Variants in TBC1D5 observed in about 807,000 individuals in gnomAD.
The protein encoded by TBC1D5 is TBC1 domain family, member 5.
Under a neutral mutation model 100.3 loss-of-function variants are expected in TBC1D5, and 75 were observed. That is an observed-to-expected ratio of 0.75 (90% confidence interval 0.62 to 0.91). TBC1D5 has a LOEUF of 0.91. Among genes scored for constraint, TBC1D5 ranks in the 40% least tolerant of loss-of-function variants. TBC1D5 has a pLI of 0.00. For synonymous variants in TBC1D5, 323 were observed against 325.6 expected, an observed-to-expected ratio of 0.99 and a Z score of 0.09; for missense variants, 910 against 942.4, an observed-to-expected ratio of 0.97 and a Z score of 0.45.
chr3:17,221,219 T>C (rs955771767), intron 17 of TBC1D5, among the ~76,000 whole-genome samples: 7 of 152,202 alleles, frequency 4.6e-5, no homozygotes, highest in African/African-American at 1.4e-4. Context: ...TTAAGGATGT[T>C]GAGATGGAGA....
intron 17 of TBC1D5, among the ~76,000 whole-genome samples, chr3:17,236,675 G>A (rs74644557): frequency 0.038 from 5,742 of 151,872 alleles, 188 homozygotes; most frequent in East Asian, 0.18. Flanking sequence ...TAGTAGACAC[G>A]GGGTTTCACC....
chr3:17,251,547 T>C (rs1481761652), intron 16 of TBC1D5, among the ~76,000 whole-genome samples: 1 of 151,598 alleles, frequency 6.6e-6, no homozygotes, highest in Non-Finnish European at 1.5e-5. Flanking sequence ...TTGTGTTGCA[T>C]ATCCAAATAA....
intron 13 of TBC1D5, among the ~76,000 whole-genome samples, chr3:17,319,305 T>C (rs1387008448): frequency 6.6e-6 from 1 of 152,212 alleles, no homozygotes; most frequent in African/African-American, 2.4e-5. Context: ...TCCAAATCCG[T>C]GATCTCTTCT....
chr3:17,362,051 G>T (rs1043982466), intron 13 of TBC1D5, among the ~76,000 whole-genome samples: 2 of 152,094 alleles, frequency 1.3e-5, no homozygotes, highest in African/African-American at 2.4e-5. Context: ...AGAAAGGGTA[G>T]TCTTTCCACA....
At chr3:17,679,610 T>G (rs1214373234) in intron 1 of TBC1D5, among the ~76,000 whole-genome samples, 1 of 151,486 alleles carries the variant, frequency 6.6e-6, no homozygotes, top group Non-Finnish European at 1.5e-5. Flanking sequence ...ATTTTTCAAC[T>G]AAATATCTAC....
intron 13 of TBC1D5, among the ~76,000 whole-genome samples, chr3:17,355,106 G>A (rs2091086666): frequency 6.6e-6 from 1 of 151,944 alleles, no homozygotes; most frequent in South Asian, 2.1e-4. Context: ...TTTCCCTTTC[G>A]TTGTTTTCTT....
intron 14 of TBC1D5, among the ~76,000 whole-genome samples, chr3:17,306,764 G>T (rs941525049): frequency 1.4e-4 from 22 of 151,964 alleles, no homozygotes; most frequent in African/African-American, 4.6e-4. Flanking sequence ...TCTAGAAGAG[G>T]TTTCTCATTC....
At chr3:17,421,190 G>A (rs571606966) in intron 4 of TBC1D5, among the ~76,000 whole-genome samples, 2 of 152,160 alleles carry the variant, frequency 1.3e-5, no homozygotes, top group Admixed American at 1.3e-4. Flanking sequence ...ACGTTACTTC[G>A]AGAAGATGTA....
chr3:17,251,241 G>A (rs1012318289), intron 16 of TBC1D5, among the ~76,000 whole-genome samples: 1 of 152,078 alleles, frequency 6.6e-6, no homozygotes, highest in Non-Finnish European at 1.5e-5. Context: ...TGGAACCTTT[G>A]ATAAAGTTCC....
At chr3:17,396,309 C>A (rs1471937459) in intron 8 of TBC1D5, among the ~76,000 whole-genome samples, 1 of 152,036 alleles carries the variant, frequency 6.6e-6, no homozygotes, top group Admixed American at 6.6e-5. Flanking sequence ...AGGAATATGG[C>A]AGCTTGTATT....
At chr3:17,670,978 T>C (rs2067870010) in intron 1 of TBC1D5, among the ~76,000 whole-genome samples, 1 of 152,204 alleles carries the variant, frequency 6.6e-6, no homozygotes, top group Non-Finnish European at 1.5e-5. Flanking sequence ...TCTAAAATAA[T>C]TGGAAGTGAC....
rs1474314659 is a variant in TBC1D5, at chr3:17,450,474, C to T, written c.98-21955G>A. ...CATGTTCTAACTCAATGCAAAGAAG[C>T]TAAGAACCTTGATAAAAGGTCACAG... On this transcript the variant is annotated intron_variant, in intron 3 of 21. Transcript: ENST00000253692. Among the ~76,000 whole-genome samples, 3 of 152,072 alleles carry T rather than the reference C, an allele frequency of 2.0e-5. No individual in the cohort carries two copies. The East Asian group carries it at 5.8e-4, about 29-fold the overall frequency.
intron 17 of TBC1D5, among the ~76,000 whole-genome samples, chr3:17,215,698 T>C (rs2073551677): frequency 6.6e-6 from 1 of 152,086 alleles, no homozygotes; most frequent in Admixed American, 6.6e-5. Flanking sequence ...GGACCACAGA[T>C]TGGCCCCTTG....
At chr3:17,670,240 C>A (rs1052762976) in intron 1 of TBC1D5, among the ~76,000 whole-genome samples, 3 of 152,176 alleles carry the variant, frequency 2.0e-5, no homozygotes, top group Non-Finnish European at 4.4e-5. Flanking sequence ...AATACCAAAT[C>A]ACTCTGAACA....
At chr3:17,733,299 T>C (rs1328141112) in intron 1 of TBC1D5, among the ~76,000 whole-genome samples, 1 of 152,194 alleles carries the variant, frequency 6.6e-6, no homozygotes, top group Non-Finnish European at 1.5e-5. Flanking sequence ...CTTGGGGAAC[T>C]TTAAGTAGTC....
intron 2 of TBC1D5, among the ~76,000 whole-genome samples, chr3:17,556,774 C>T (rs1310610324): frequency 6.6e-6 from 1 of 152,076 alleles, no homozygotes; most frequent in Non-Finnish European, 1.5e-5. Flanking sequence ...CACTACAGAA[C>T]CATTAAGAGC....
At chr3:17,667,251 GAACT>G (rs1389436252) in intron 1 of TBC1D5, among the ~76,000 whole-genome samples, 4 of 152,046 alleles carry the variant, frequency 2.6e-5, no homozygotes, top group African/African-American at 9.7e-5. Context: ...TCGAGCAACT[GAACT>G]AACCAAATGA....
chr3:17,683,520 T>TACTC (rs2069796807), intron 1 of TBC1D5, among the ~76,000 whole-genome samples: 2 of 146,680 alleles, frequency 1.4e-5, no homozygotes, highest in African/African-American at 5.5e-5. Flanking sequence ...GACTAAATGT[T>TACTC]ATACAAAACG....
At chr3:17,292,615 G>A (rs2081878829) in intron 14 of TBC1D5, among the ~76,000 whole-genome samples, 1 of 152,240 alleles carries the variant, frequency 6.6e-6, no homozygotes, top group South Asian at 2.1e-4. Context: ...TCTGTAGCCT[G>A]TCATTTAATT....
Sources: gnomAD v4.1 joint callset for allele counts (sites outside exome capture counted in the v4.1 genomes callset) on GRCh38, gnomAD v4.1.1 for gene constraint, MANE v1.5 for transcripts, NCBI Gene and HGNC (gene_info 2026-07-23, HGNC 2026-07-21) for gene names.